The following FCMR variants were observed in gnomAD, a reference collection of about 807,000 sequenced individuals.
The protein encoded by FCMR is Fc mu receptor.
A neutral mutation model predicts 41.6 loss-of-function variants in FCMR; 34 were observed. The observed-to-expected ratio is 0.82, with a 90% confidence interval of 0.62 to 1.09. The LOEUF (loss-of-function observed/expected upper bound fraction) is 1.09, where lower values mean the gene tolerates loss of function less well. Among genes scored for constraint, FCMR ranks in the 50% least tolerant of loss-of-function variants. The pLI, the probability that FCMR is intolerant of heterozygous loss-of-function variation, is 0.00. For synonymous variants in FCMR, 209 were observed against 211.8 expected, an observed-to-expected ratio of 0.99 and a Z score of 0.12; for missense variants, 496 against 512.5, an observed-to-expected ratio of 0.97 and a Z score of 0.31.
At chr1:206,907,104 GGGGGGGGGGT>G (rs1678692453) in intron 7 of FCMR, among the ~76,000 whole-genome samples, 7 of 14,532 alleles carry the variant, frequency 4.8e-4, no homozygotes, top group African/African-American at 3.2e-3. Context: ...GTGGGGGGGT[GGGGGGGGGGT>G]GGGGGCGGGG....
rs963117496 is a variant in FCMR at position 206,903,900 on chromosome 1, T to C, written c.*1119A>G. On this transcript the variant is annotated 3_prime_UTR_variant, in exon 8 of 8. Coordinates refer to ENST00000367091, the MANE Select transcript of FCMR (RefSeq NM_005449.5). ...ACTTTCTTCTCTATTTCTGGATGAA[T>C]GCCCAGTGAGACTGTGTTGTACAGC... is the stretch of plus-strand genomic sequence containing the variant. 1 of 152,394 alleles carries C rather than the reference T, an allele frequency of 6.6e-6. No homozygotes were observed. The highest frequency in any genetic ancestry group is 2.4e-5 in the African/African-American group (1 of 41,468). The allele number at this position is 152,394 out of a possible 1,614,324, so 9.4% of individuals were successfully genotyped here. A position where few individuals can be genotyped will look rare whatever the true frequency, so the allele number is the denominator to read the frequency against.
At chr1:206,907,084 GGGTGGGGGGGTGGGGGGGT>G (rs1678683537) in intron 7 of FCMR, among the ~76,000 whole-genome samples, 1 of 59,046 alleles carries the variant, frequency 1.7e-5, no homozygotes, top group African/African-American at 9.2e-5. Flanking sequence ...AGAAGCCGGG[GGGTGGGGGGGTGGGGGGGT>G]GGGGGGGGGG....
chr1:206,912,867 T>C, intron 3 of FCMR, 62 bp downstream of exon 3: 1 of 1,134,932 alleles, frequency 8.8e-7, no homozygotes, highest in Non-Finnish European at 1.3e-6. Context: ...GACCCCCTCC[T>C]CCATTTTCAC....
At chr1:206,908,728 A>C (rs1678787177) in intron 7 of FCMR, among the ~76,000 whole-genome samples, 1 of 152,092 alleles carries the variant, frequency 6.6e-6, no homozygotes, top group Non-Finnish European at 1.5e-5. Context: ...TTTTAAAGAA[A>C]AAAAAAACAG....
chr1:206,911,248 T>C (rs1365030887), intron 4 of FCMR, among the ~76,000 whole-genome samples: 1 of 151,718 alleles, frequency 6.6e-6, no homozygotes, highest in Non-Finnish European at 1.5e-5. Context: ...GTTTTTTTTT[T>C]TTGGAGTCTG....
chr1:206,915,244 C>T (rs978346512), intron 1 of FCMR, among the ~76,000 whole-genome samples: 12 of 152,124 alleles, frequency 7.9e-5, no homozygotes, highest in African/African-American at 2.7e-4. Context: ...TGAGAGAGAT[C>T]GCATGGGGTT....
chr1:206,904,967 A>T lies in FCMR; in HGVS notation c.*52T>A, dbSNP rs1678558103. ...TATTGGACATCAGCAGATAGATGAG[A>T]CTCCTTGGCACCACAGTCCGAGCCT... is the stretch of plus-strand genomic sequence containing the variant. On this transcript the variant is annotated 3_prime_UTR_variant, in exon 8 of 8. Coordinates refer to ENST00000367091, the MANE Select transcript of FCMR (RefSeq NM_005449.5). 4 of 1,601,500 alleles carry T rather than the reference A, an allele frequency of 2.5e-6. No individual in the cohort carries two copies. Among genetic ancestry groups the T allele is most frequent in the Non-Finnish European group, 3.4e-6 (4 of 1,170,458 alleles).
intron 7 of FCMR, chr1:206,907,472 C>T (rs1395084775): frequency 2.5e-6 from 1 of 397,964 alleles, no homozygotes; most frequent in Non-Finnish European, 4.8e-6. Context: ...GCTCAGGCCA[C>T]CTCTTCCTGT....
chr1:206,915,948 C>T (rs1209816282), intron 1 of FCMR, among the ~76,000 whole-genome samples: 3 of 138,260 alleles, frequency 2.2e-5, no homozygotes, highest in Non-Finnish European at 3.1e-5. Flanking sequence ...AGAATTCTGA[C>T]AACGGTAGAG....
chr1:206,913,966 C>G lies in FCMR; in HGVS notation c.166G>C (p.Gly56Arg), dbSNP rs768225740. 6.2e-7 allele frequency: 1 copy of G among 1,614,224 alleles called. No individual in the cohort carries two copies. The part of the protein sequence containing the change: ...IYLCREMAGS[G>R]TCGTVVSTTN... ...GTGGATACCACGGTACCACATGTTC[C>G]AGATCCAGCCATCTCCCGGCACAGA... The change falls in exon 2 of 8, where the codon GGA becomes CGA. Residue 56 changes from glycine (G) to arginine (R), a missense_variant. Coordinates refer to ENST00000367091, the MANE Select transcript of FCMR (RefSeq NM_005449.5).
chr1:206,921,713 G>T, intron 1 of FCMR, 105 bp downstream of exon 1: 1 of 1,125,014 alleles, frequency 8.9e-7, no homozygotes, highest in South Asian at 1.3e-5. Context: ...GTTCACAACT[G>T]AATCCATCCA....
rs750933200 is a variant in FCMR at position 206,913,969 on chromosome 1, A to ATCTGT, written c.162_163insACAGA (p.Ser55ThrfsTer26). 5 of 1,614,078 alleles carry ATCTGT rather than the reference A, an allele frequency of 3.1e-6. No individual in the cohort carries two copies. The highest frequency in any genetic ancestry group is 8.5e-7 in the Non-Finnish European group (1 of 1,180,040). On this transcript the variant is annotated frameshift_variant, in exon 2 of 8. Transcript: ENST00000367091. LOFTEE classifies it high-confidence loss of function. ...GATACCACGGTACCACATGTTCCAGATCCAGCCATCTCCCGGCACAGATAT... is the reference window on the plus strand; with the variant it reads ...GATACCACGGTACCACATGTTCCAGATCTGTTCCAGCCATCTCCCGGCACAGATAT...
intron 7 of FCMR, among the ~76,000 whole-genome samples, chr1:206,905,731 C>A (rs1245446758): frequency 6.6e-6 from 1 of 152,208 alleles, no homozygotes; most frequent in East Asian, 1.9e-4. Flanking sequence ...CCCAACATGG[C>A]ACAGTTACTA....
At chr1:206,917,841 A>G (rs1189526814) in intron 1 of FCMR, 1 of 453,542 alleles carries the variant, frequency 2.2e-6, no homozygotes, top group African/African-American at 2.0e-5. Flanking sequence ...CTGGTCTTGA[A>G]TCCCAGGCTC....
chr1:206,905,657 G>T (rs921649258), intron 7 of FCMR, among the ~76,000 whole-genome samples: 1 of 152,160 alleles, frequency 6.6e-6, no homozygotes, highest in Non-Finnish European at 1.5e-5. Context: ...TCCCCAGACA[G>T]AAACTTCAGG....
intron 4 of FCMR, 133 bp downstream of exon 4, chr1:206,911,597 A>G: frequency 1.3e-6 from 1 of 784,062 alleles, no homozygotes; most frequent in East Asian, 2.5e-5. Context: ...AATGAGCTAT[A>G]CTCATAGGTG....
rs577574602 is a variant in FCMR at position 206,904,356 on chromosome 1, G to A, written c.*663C>T. The A allele has an allele frequency of 2.0e-5, 3 of 151,018 alleles. No homozygotes were observed. Among genetic ancestry groups the A allele is most frequent in the Admixed American group, 1.3e-4 (2 of 15,162 alleles). The allele number at this position is 151,018 out of a possible 1,614,324, so 9.4% of individuals were successfully genotyped here. ...AGGTCAGGGCACTTATGTGCATCAA[G>A]TGATGGAGACAGAGTAAAGAGAATT... On this transcript the variant is annotated 3_prime_UTR_variant, in exon 8 of 8. Transcript: ENST00000367091.
At chr1:206,914,716 C>T (rs768519574) in intron 1 of FCMR, among the ~76,000 whole-genome samples, 16 of 152,008 alleles carry the variant, frequency 1.1e-4, no homozygotes, top group Admixed American at 5.9e-4. Flanking sequence ...TGAGCCACCA[C>T]GCCCAACCCT....
rs543258729 is a variant in FCMR at position 206,908,265 on chromosome 1, T to A, written c.1044+1197A>T. On this transcript the variant is annotated intron_variant, in intron 7 of 7. Transcript: ENST00000367091. The stretch of plus-strand genomic sequence containing the variant: ...GACTGTTAATTCCTCATGCTTGGCC[T>A]GGCCTGCCCTTCCTCCATCGTCGCC... 197 of 1,119,732 alleles carry A rather than the reference T, an allele frequency of 1.8e-4. 1 individual carries two copies. The African/African-American group carries it at 2.5e-3, about 14-fold the overall frequency. 69.4% of individuals were successfully genotyped at this position (1,119,732 alleles called of 1,614,324 possible). A position where few individuals can be genotyped will look rare whatever the true frequency, so the allele number is the denominator to read the frequency against.
Sources: gnomAD v4.1 joint callset for allele counts (sites outside exome capture counted in the v4.1 genomes callset) on GRCh38, gnomAD v4.1.1 for gene constraint, MANE v1.5 for transcripts, NCBI Gene and HGNC (gene_info 2026-07-23, HGNC 2026-07-21) for gene names.